CNBD1: variants seen among roughly 807,000 people sequenced by gnomAD.
The protein encoded by CNBD1 is cyclic nucleotide-binding domain-containing protein 1.
A neutral mutation model predicts 54.4 loss-of-function variants in CNBD1; 71 were observed. The ratio of observed to expected loss-of-function variants is 1.30; its 90% CI spans 1.08 to 1.59. The LOEUF (loss-of-function observed/expected upper bound fraction) is 1.59. Ranked by LOEUF, CNBD1 falls within the 40% of genes most tolerant of loss-of-function variation. The pLI is 0.00. For missense variants in CNBD1, 659 were observed against 518.0 expected (o/e 1.27, Z -2.64); for synonymous variants, 182 against 170.7 (o/e 1.07, Z -0.51).
chr8:86,889,878 A>G (rs1401437809), intron 2 of CNBD1, among the ~76,000 whole-genome samples: 2 of 152,144 alleles, frequency 1.3e-5, no homozygotes, highest in Non-Finnish European at 2.9e-5. Context: ...AAAAAAATGT[A>G]CAAGAGTTTT....
intron 4 of CNBD1, among the ~76,000 whole-genome samples, chr8:87,067,997 G>A (rs1322550937): frequency 6.6e-6 from 1 of 151,868 alleles, no homozygotes; most frequent in Non-Finnish European, 1.5e-5. Context: ...CTAAAAACAG[G>A]CACACTTAAT....
chr8:87,304,020 C>G (rs1585997127), intron 8 of CNBD1, among the ~76,000 whole-genome samples: 1 of 152,144 alleles, frequency 6.6e-6, no homozygotes. Context: ...TAAATAGGAA[C>G]ACTTTTACAC....
intron 4 of CNBD1, among the ~76,000 whole-genome samples, chr8:86,949,250 T>C (rs1807545525): frequency 1.3e-5 from 2 of 152,216 alleles, no homozygotes; most frequent in African/African-American, 2.4e-5. Flanking sequence ...TGTGGTTCCA[T>C]ATAAATTTTA....
At chr8:87,084,141 T>C (rs1166922125) in intron 4 of CNBD1, among the ~76,000 whole-genome samples, 1 of 152,232 alleles carries the variant, frequency 6.6e-6, no homozygotes, top group African/African-American at 2.4e-5. Context: ...TACCACTGTT[T>C]TCATGTTTCA....
At chr8:86,912,480 C>G (rs939400845) in intron 3 of CNBD1, among the ~76,000 whole-genome samples, 6 of 152,158 alleles carry the variant, frequency 3.9e-5, no homozygotes, top group Admixed American at 3.3e-4. Context: ...TTACCTATCA[C>G]TCAGGGACTT....
At chr8:87,347,752 A>G (rs1246645440) in intron 8 of CNBD1, among the ~76,000 whole-genome samples, 2 of 152,148 alleles carry the variant, frequency 1.3e-5, no homozygotes, top group African/African-American at 4.8e-5. Flanking sequence ...CTCCATAGAC[A>G]TAGCATTTGT....
intron 8 of CNBD1, among the ~76,000 whole-genome samples, chr8:87,317,591 C>T (rs1809416787): frequency 6.6e-6 from 1 of 151,260 alleles, no homozygotes; most frequent in Admixed American, 6.6e-5. Context: ...AACTTAATTC[C>T]ATTTTGGCCA....
At chr8:87,039,360 A>T (rs1348301690) in intron 4 of CNBD1, among the ~76,000 whole-genome samples, 1 of 152,040 alleles carries the variant, frequency 6.6e-6, no homozygotes, top group Non-Finnish European at 1.5e-5. Context: ...ATATTTATTC[A>T]GTATGTTTGT....
At chr8:86,898,047 A>G (rs1485263684) in intron 2 of CNBD1, among the ~76,000 whole-genome samples, 13 of 152,202 alleles carry the variant, frequency 8.5e-5, no homozygotes, top group Admixed American at 7.9e-4. Flanking sequence ...AAAGAATGAC[A>G]TATCTATTTG....
chr8:87,425,428 T>C (rs1240754636), intron 2 of CNBD1, among the ~76,000 whole-genome samples: 1 of 152,328 alleles, frequency 6.6e-6, no homozygotes, highest in South Asian at 2.1e-4. Context: ...TTCTGTTCTG[T>C]TTTTTCTCCA....
At chr8:86,946,712 A>G (rs944806535) in intron 4 of CNBD1, among the ~76,000 whole-genome samples, 1 of 38,042 alleles carries the variant, frequency 2.6e-5, no homozygotes, top group Non-Finnish European at 7.4e-5. Context: ...TACAGATTTA[A>G]TAACAATGGA....
chr8:87,229,866 A>T (rs1814629641), intron 5 of CNBD1, among the ~76,000 whole-genome samples: 1 of 152,234 alleles, frequency 6.6e-6, no homozygotes. Flanking sequence ...TAATTTAAGG[A>T]AATAATTGAG....
chr8:87,058,167 C>T (rs7002947), intron 4 of CNBD1, among the ~76,000 whole-genome samples: 4,927 of 152,262 alleles, frequency 0.032, 272 homozygotes, highest in African/African-American at 0.11. Flanking sequence ...CCAAAATGAT[C>T]TCCTTTGACT....
At chr8:87,173,002 A>G (rs763085486) in intron 4 of CNBD1, among the ~76,000 whole-genome samples, 1 of 151,222 alleles carries the variant, frequency 6.6e-6, no homozygotes, top group Non-Finnish European at 1.5e-5. Flanking sequence ...TGGTCATATG[A>G]TTTAATTTTT....
intron 6 of CNBD1, among the ~76,000 whole-genome samples, chr8:87,266,600 T>C (rs1288560599): frequency 6.6e-6 from 1 of 151,476 alleles, no homozygotes; most frequent in Non-Finnish European, 1.5e-5. Context: ...TACAGGCGTG[T>C]GCCACCACCC....
At chr8:87,261,529 CAAAAAA>C (rs34576530) in intron 6 of CNBD1, among the ~76,000 whole-genome samples, 3 of 120,264 alleles carry the variant, frequency 2.5e-5, no homozygotes, top group Admixed American at 8.9e-5. Flanking sequence ...TATTTATAGA[CAAAAAA>C]AAAAAAAAAA....
chr8:87,208,068 G>A (rs1814015561), intron 5 of CNBD1, among the ~76,000 whole-genome samples: 1 of 152,046 alleles, frequency 6.6e-6, no homozygotes, highest in Non-Finnish European at 1.5e-5. Context: ...CCCTCCCTCT[G>A]CTATTATTTA....
chr8:87,125,234 A>G (rs1586273251), intron 4 of CNBD1, among the ~76,000 whole-genome samples: 1 of 151,774 alleles, frequency 6.6e-6, no homozygotes, highest in East Asian at 1.9e-4. Context: ...TATAAATTTG[A>G]TGCAATCTCT....
At chr8:86,885,751 C>A (rs1808672735) in intron 1 of CNBD1, among the ~76,000 whole-genome samples, 1 of 152,154 alleles carries the variant, frequency 6.6e-6, no homozygotes, top group Non-Finnish European at 1.5e-5. Flanking sequence ...TGAGGATCAG[C>A]AAAGAGATGT....
Sources: allele counts gnomAD v4.1 joint callset (sites outside exome capture counted in the v4.1 genomes callset), GRCh38; gene constraint gnomAD v4.1.1; transcripts MANE v1.5; gene names NCBI Gene and HGNC (gene_info 2026-07-23, HGNC 2026-07-21).